The following ADGRG5 variants were observed in gnomAD, a reference collection of about 807,000 sequenced individuals.
The protein encoded by ADGRG5 is G protein-coupled receptor 114.
Under a neutral mutation model 53.2 loss-of-function variants are expected in ADGRG5, and 37 were observed. The ratio of observed to expected loss-of-function variants is 0.70; its 90% CI spans 0.53 to 0.91. ADGRG5 has a LOEUF of 0.91. Ranked by LOEUF, ADGRG5 falls within the 40% of genes least tolerant of loss-of-function variation. The pLI is 0.00. For synonymous variants in ADGRG5, 277 were observed against 290.4 expected (o/e 0.95, Z 0.47); for missense variants, 614 against 675.8 (o/e 0.91, Z 1.01).
the ADGRG5 span, among the ~76,000 whole-genome samples, chr16:57,529,919 A>T: frequency 1.3e-5 from 2 of 152,144 alleles, no homozygotes; most frequent in Non-Finnish European, 2.9e-5. The surrounding 1 kb of genome is among the most constrained non-coding windows in gnomAD (Gnocchi z 4.1). Flanking sequence ...GATGACAATG[A>T]TATTTGTGGA....
chr16:57,534,452 T>G, the ADGRG5 span, among the ~76,000 whole-genome samples: 1 of 152,132 alleles, frequency 6.6e-6, no homozygotes, highest in Non-Finnish European at 1.5e-5. Context: ...GTCTGGAATA[T>G]CTCTCCTTCC....
rs543427143 is a variant in ADGRG5, at chr16:57,574,229, G to C, written c.1209-586G>C. Among the ~76,000 whole-genome samples the C allele has an allele frequency of 7.2e-5, 11 of 152,332 alleles. No homozygotes were observed. Among genetic ancestry groups the C allele is most frequent in the Admixed American group, 5.9e-4 (9 of 15,304 alleles). On this transcript the variant is annotated intron_variant, in intron 10 of 11. Coordinates refer to ENST00000349457, the MANE Select transcript of ADGRG5 (RefSeq NM_001304376.3). This position sits in a 1 kb window ranked among gnomAD's most constrained non-coding sequence, Gnocchi z 4.4. ...TGGCTCTCTGCTCAGCCCTCAGTGG[G>C]CTCTCCTGCGGCTCTGTGTGCTCTC...
chr16:57,529,350 G>A, the ADGRG5 span: 1 of 882,682 alleles, frequency 1.1e-6, no homozygotes, highest in South Asian at 5.5e-5. The surrounding 1 kb of genome is among the most constrained non-coding windows in gnomAD (Gnocchi z 4.1). Flanking sequence ...ACCGTTATTG[G>A]ACTGCGACCA....
intron 9 of ADGRG5, among the ~76,000 whole-genome samples, chr16:57,568,812 C>T (rs1028511142): frequency 3.3e-5 from 5 of 151,694 alleles, no homozygotes; most frequent in Non-Finnish European, 1.5e-5. Context: ...CCATCACCTC[C>T]ATCACCACCT....
chr16:57,561,913 T>C (rs2033010487), intron 1 of ADGRG5, 143 bp from the exon 2 acceptor site: 6 of 469,804 alleles, frequency 1.3e-5, no homozygotes, highest in Non-Finnish European at 2.2e-5. Context: ...CCTTTGCCCT[T>C]CATCCTCAGC....
chr16:57,568,777 A>T (rs1280750041), intron 9 of ADGRG5, among the ~76,000 whole-genome samples: 1 of 146,792 alleles, frequency 6.8e-6, no homozygotes, highest in Non-Finnish European at 1.5e-5. Context: ...CACCTCTGTC[A>T]CCTCCATCAC....
intron 1 of ADGRG5, among the ~76,000 whole-genome samples, chr16:57,554,063 A>G (rs1254451535): frequency 2.0e-5 from 3 of 151,848 alleles, no homozygotes; most frequent in Non-Finnish European, 2.9e-5. Context: ...GACTATTCCT[A>G]TTTTCTATTT....
At chr16:57,552,156 C>T (rs545753142) in intron 1 of ADGRG5, among the ~76,000 whole-genome samples, 1 of 152,126 alleles carries the variant, frequency 6.6e-6, no homozygotes, top group East Asian at 1.9e-4. Flanking sequence ...ATAGATTTAG[C>T]ATAACTCTTA....
At chr16:57,563,666 G>T (rs1036996766) in intron 4 of ADGRG5, among the ~76,000 whole-genome samples, 182 bp from the exon 5 acceptor site, 3 of 152,188 alleles carry the variant, frequency 2.0e-5, no homozygotes, top group Non-Finnish European at 4.4e-5. Flanking sequence ...CAAAACTCAG[G>T]AACAGCATGG....
upstream of ADGRG5, among the ~76,000 whole-genome samples, chr16:57,539,873 T>C (rs2032465075): frequency 6.6e-6 from 1 of 152,112 alleles, no homozygotes; most frequent in Non-Finnish European, 1.5e-5. Context: ...AGACGTCCTG[T>C]TTTGAAGTCT....
At chr16:57,550,748 G>A (rs2032727652) in intron 1 of ADGRG5, among the ~76,000 whole-genome samples, 1 of 152,116 alleles carries the variant, frequency 6.6e-6, no homozygotes, top group Non-Finnish European at 1.5e-5. Flanking sequence ...TGATGCTTAC[G>A]GCCAGGCACG....
intron 9 of ADGRG5, among the ~76,000 whole-genome samples, chr16:57,570,008 T>TAACCACCTCCTC (rs1555523434): frequency 2.0e-5 from 3 of 150,366 alleles, no homozygotes; most frequent in Admixed American, 6.6e-5. Context: ...TTCACCACCA[T>TAACCACCTCCTC]CACCACCTAC....
At position 57,576,534 on chromosome 16, in the gene ADGRG5, T is replaced by G. The variant is rs1425310932; in HGVS notation, c.*996T>G. On this transcript the variant is annotated 3_prime_UTR_variant, in exon 12 of 12. Transcript: ENST00000349457. ...CATGAGACAGTGCTCATGAAGCCAG[T>G]GCGTTTCCCAGAACGAACACTAGGC... 1 of 151,938 alleles carries G rather than the reference T, an allele frequency of 6.6e-6. No individual in the cohort carries two copies. Among genetic ancestry groups the G allele is most frequent in the African/African-American group, 2.4e-5 (1 of 41,306 alleles). The allele number at this position is 151,938 out of a possible 1,614,324, so 9.4% of individuals were successfully genotyped here.
chr16:57,559,186 G>A (rs1181194966), intron 1 of ADGRG5, among the ~76,000 whole-genome samples: 2 of 152,166 alleles, frequency 1.3e-5, no homozygotes, highest in South Asian at 2.1e-4. Flanking sequence ...CAACATTGTG[G>A]TGGGAGGGTC....
chr16:57,564,054 G>A, intron 5 of ADGRG5, 75 bp downstream of exon 5: 1 of 1,522,912 alleles, frequency 6.6e-7, no homozygotes. Context: ...CCATGTCACT[G>A]CCTGGCCTCT....
chr16:57,573,149 A>G (rs548594271), intron 10 of ADGRG5, among the ~76,000 whole-genome samples: 2 of 152,240 alleles, frequency 1.3e-5, no homozygotes, highest in African/African-American at 4.8e-5. Flanking sequence ...GAATTGGACA[A>G]GCCTGGGCAT....
chr16:57,571,061 T>A (rs923582628), intron 10 of ADGRG5, among the ~76,000 whole-genome samples: 1 of 151,644 alleles, frequency 6.6e-6, no homozygotes, highest in Non-Finnish European at 1.5e-5. Flanking sequence ...GCTTTTTTTT[T>A]AATAGCCCCT....
upstream of ADGRG5, among the ~76,000 whole-genome samples, chr16:57,538,566 C>G (rs1282953306): frequency 6.6e-6 from 1 of 152,142 alleles, no homozygotes; most frequent in Non-Finnish European, 1.5e-5. Context: ...TGTCAGATCC[C>G]AGATCTGACT....
intron 1 of ADGRG5, among the ~76,000 whole-genome samples, chr16:57,551,226 G>A (rs2032744463): frequency 6.6e-6 from 1 of 152,190 alleles, no homozygotes; most frequent in Non-Finnish European, 1.5e-5. Flanking sequence ...CAAGGTGGTG[G>A]TGGTTGAAGG....
Sources: allele counts gnomAD v4.1 joint callset (sites outside exome capture counted in the v4.1 genomes callset), GRCh38; gene constraint gnomAD v4.1.1; non-coding constraint Gnocchi (gnomAD v3.1); transcripts MANE v1.5; gene names NCBI Gene and HGNC (gene_info 2026-07-23, HGNC 2026-07-21).